CERT1: variants seen among roughly 807,000 people sequenced by gnomAD.
CERT1 encodes the protein ceramide transfer protein.
A neutral mutation model predicts 87.9 loss-of-function variants in CERT1; 31 were observed. The ratio of observed to expected loss-of-function variants is 0.35; its 90% CI spans 0.27 to 0.48. The LOEUF is 0.48. Among genes scored for constraint, CERT1 ranks in the 20% least tolerant of loss-of-function variants. The pLI is 0.99. For missense variants in CERT1, 487 were observed against 758.0 expected, an observed-to-expected ratio of 0.64 and a Z score of 4.20; for synonymous variants, 289 against 250.9, an observed-to-expected ratio of 1.15 and a Z score of -1.44.
downstream of CERT1, chr5:75,376,245 C>A (rs2111967853): frequency 6.6e-6 from 1 of 152,336 alleles, no homozygotes; most frequent in African/African-American, 2.4e-5. Flanking sequence ...GCATGTTTTA[C>A]ACACAACTGC....
At chr5:75,371,888 G>C (rs1328488954) in intron 17 of CERT1, 1 of 152,144 alleles carries the variant, frequency 6.6e-6, no homozygotes, top group African/African-American at 2.4e-5. Context: ...ATGTTGTCCA[G>C]AAGGCCAGTA....
intron 2 of CERT1, among the ~76,000 whole-genome samples, chr5:75,484,236 C>A (rs1226981534): frequency 6.7e-6 from 1 of 150,110 alleles, no homozygotes; most frequent in Non-Finnish European, 1.5e-5. Context: ...ACAGACAAAA[C>A]CTGCAACAGA....
intron 2 of CERT1, among the ~76,000 whole-genome samples, chr5:75,463,314 T>C (rs545817534): frequency 3.0e-4 from 46 of 152,330 alleles, no homozygotes; most frequent in Admixed American, 2.1e-3. Flanking sequence ...ATAAGATTTT[T>C]GTCCATTAGA....
intron 10 of CERT1, 90 bp from the exon 11 acceptor site, chr5:75,399,477 G>A: frequency 1.1e-6 from 1 of 931,122 alleles, no homozygotes; most frequent in Non-Finnish European, 1.7e-6. Flanking sequence ...AAGATAAAGG[G>A]AAGAGAAAAC....
intron 3 of CERT1, among the ~76,000 whole-genome samples, chr5:75,451,627 A>C (rs1377108255): frequency 6.6e-6 from 1 of 152,230 alleles, no homozygotes; most frequent in Non-Finnish European, 1.5e-5. Context: ...TATAAGGCAG[A>C]TAAGTATAGA....
At chr5:75,451,700 A>G (rs1234299700) in intron 3 of CERT1, among the ~76,000 whole-genome samples, 1 of 152,208 alleles carries the variant, frequency 6.6e-6, no homozygotes, top group Non-Finnish European at 1.5e-5. Flanking sequence ...ATGACTTTAT[A>G]TGACCTTGAT....
At chr5:75,443,765 T>A (rs1328354676) in intron 3 of CERT1, among the ~76,000 whole-genome samples, 1 of 152,244 alleles carries the variant, frequency 6.6e-6, no homozygotes, top group Non-Finnish European at 1.5e-5. Flanking sequence ...GAATTATTAT[T>A]GTAGAACTGT....
Position 75,437,753 on chromosome 5 carries a change from G to T in CERT1, c.349-11275C>A, listed in dbSNP as rs1328829351. On this transcript the variant is annotated intron_variant, in intron 3 of 16. Coordinates refer to ENST00000643780, the MANE Select transcript of CERT1 (RefSeq NM_001379029.1). ...TGCACTCCAGCCTGGGCAACAGAGT[G>T]AGACTCTGTCTCATTAAAAAAAAAA... Among the ~76,000 whole-genome samples, 3 of 143,790 alleles carry T rather than the reference G, an allele frequency of 2.1e-5. No homozygotes were observed. The East Asian group carries it at 6.2e-4, about 30-fold the overall frequency. The allele number at this position is 143,790 out of a possible 152,430, so 94.3% of individuals were successfully genotyped here.
chr5:75,459,718 AC>A (rs1388950014), intron 2 of CERT1, among the ~76,000 whole-genome samples: 1 of 152,048 alleles, frequency 6.6e-6, no homozygotes, highest in Non-Finnish European at 1.5e-5. Context: ...TAATCCCAGC[AC>A]TTTGGAAGGC....
intron 2 of CERT1, among the ~76,000 whole-genome samples, chr5:75,463,463 A>G (rs905376885): frequency 3.9e-5 from 6 of 152,162 alleles, no homozygotes; most frequent in Admixed American, 3.9e-4. Flanking sequence ...TCATGTCAAC[A>G]CTCACTGTTA....
At chr5:75,459,894 C>T (rs1004489698) in intron 2 of CERT1, among the ~76,000 whole-genome samples, 14 of 143,184 alleles carry the variant, frequency 9.8e-5, no homozygotes, top group African/African-American at 3.7e-4. Flanking sequence ...CCCGGGAGGC[C>T]GAGGTTTCAG....
chr5:75,401,052 G>C (rs1036406812), intron 9 of CERT1: 1 of 152,184 alleles, frequency 6.6e-6, no homozygotes, highest in Admixed American at 6.5e-5. Context: ...AATATGAAGA[G>C]GGAAATGATC....
At chr5:75,491,667 C>T (rs145101334) in intron 2 of CERT1, among the ~76,000 whole-genome samples, 3 of 152,286 alleles carry the variant, frequency 2.0e-5, no homozygotes, top group South Asian at 2.1e-4. Context: ...GACCACTGCA[C>T]TTGAGTGTGT....
intron 8 of CERT1, among the ~76,000 whole-genome samples, chr5:75,404,291 T>TAAAAAAAAA (rs11349407): frequency 1.7e-4 from 14 of 84,052 alleles, no homozygotes; most frequent in South Asian, 7.7e-4. Flanking sequence ...ACCTACTTCA[T>TAAAAAAAAA]AAAAAAAAAA....
At chr5:75,487,600 A>G (rs1766581149) in intron 2 of CERT1, among the ~76,000 whole-genome samples, 1 of 152,200 alleles carries the variant, frequency 6.6e-6, no homozygotes, top group Admixed American at 6.5e-5. Context: ...TAACCAGAAT[A>G]TACAAGGAGA....
intron 11 of CERT1, among the ~76,000 whole-genome samples, chr5:75,392,145 G>A (rs1044494908): frequency 7.2e-5 from 11 of 152,148 alleles, no homozygotes; most frequent in African/African-American, 1.9e-4. Flanking sequence ...ATATAAACGC[G>A]TAGTAGGTAG....
rs368093187 is a variant in CERT1, at chr5:75,400,242, G to C, written c.1073C>G (p.Ala358Gly). The change falls in exon 10 of 17, where the codon GCC (alanine) becomes GGC (glycine). Residue 358 changes from alanine to glycine, a missense_variant. Around this residue, in one of 8 missense-constraint regions of CERT1, gnomAD observed 91 missense variants for 86.7 expected, o/e 1.05. Coordinates refer to ENST00000643780, the MANE Select transcript of CERT1 (RefSeq NM_001379029.1). ...TCTATGTGTCCCCACAGAAGAAAAGGCATCTCCAGAGGGCAAGGATGTAGG... is the reference window on the plus strand; with the variant it reads ...TCTATGTGTCCCCACAGAAGAAAAGCCATCTCCAGAGGGCAAGGATGTAGG... ...HWPTSLPSGD[A>G]FSSVGTHRFV... The C allele has an allele frequency of 1.6e-5, 26 of 1,613,572 alleles. No homozygotes were observed. The highest frequency in any genetic ancestry group is 2.2e-5 in the Non-Finnish European group (26 of 1,179,564).
intron 3 of CERT1, among the ~76,000 whole-genome samples, chr5:75,445,018 C>A (rs1261448743): frequency 6.6e-6 from 1 of 152,136 alleles, no homozygotes; most frequent in Non-Finnish European, 1.5e-5. Flanking sequence ...AACTCTACTC[C>A]TTTGAAGCTC....
At chr5:75,447,105 C>T (rs570631172) in intron 3 of CERT1, among the ~76,000 whole-genome samples, 23 of 152,312 alleles carry the variant, frequency 1.5e-4, no homozygotes, top group Middle Eastern at 6.8e-3. Flanking sequence ...CTGCCTGCCA[C>T]GGGGCTGGGA....
Sources: allele counts gnomAD v4.1 joint callset (sites outside exome capture counted in the v4.1 genomes callset), GRCh38; gene constraint gnomAD v4.1.1; regional missense constraint gnomAD v4.1.1; transcripts MANE v1.5; gene names NCBI Gene and HGNC (gene_info 2026-07-23, HGNC 2026-07-21).